IL1RAPL2: variants seen among roughly 807,000 people sequenced by gnomAD.
IL1RAPL2 encodes interleukin 1 receptor accessory protein like 2.
A neutral mutation model predicts 44.1 loss-of-function variants in IL1RAPL2; 3 were observed. The observed-to-expected ratio is 0.07, with a 90% CI of 0.03 to 0.18. IL1RAPL2 has a LOEUF of 0.18. Ranked by LOEUF, IL1RAPL2 falls within the 10% of genes least tolerant of loss-of-function variation. IL1RAPL2 has a pLI of 1.00. For missense variants in IL1RAPL2, 391 were observed against 496.4 expected (o/e 0.79, Z 2.02); for synonymous variants, 181 against 178.8 (o/e 1.01, Z -0.10).
intron 5 of IL1RAPL2, among the ~76,000 whole-genome samples, chrX:105,378,986 G>A (rs958327563): frequency 9.0e-6 from 1 of 111,720 alleles, no homozygotes; most frequent in African/African-American, 3.3e-5. Context: ...CCAGTTACTT[G>A]TATGACCTAG....
intron 6 of IL1RAPL2, among the ~76,000 whole-genome samples, chrX:105,617,999 A>G (rs762350678): frequency 9.0e-6 from 1 of 110,668 alleles, no homozygotes; most frequent in South Asian, 3.8e-4. Flanking sequence ...TAACCAGAGA[A>G]GTCTTTCCAA....
chrX:104,934,498 A>G (rs888944388), intron 2 of IL1RAPL2, among the ~76,000 whole-genome samples: 17 of 111,723 alleles, frequency 1.5e-4, no homozygotes, highest in African/African-American at 5.2e-4. Flanking sequence ...ATCAGTGAGA[A>G]TGTCAAATAT....
chrX:105,395,867 T>G (rs1000696752), intron 5 of IL1RAPL2, among the ~76,000 whole-genome samples: 9 of 111,999 alleles, frequency 8.0e-5, no homozygotes, highest in African/African-American at 2.9e-4. Flanking sequence ...GAAATGCAAA[T>G]TCTAAAGTTC....
At chrX:105,390,957 C>T (rs762367315) in intron 5 of IL1RAPL2, among the ~76,000 whole-genome samples, 68 of 111,625 alleles carry the variant, frequency 6.1e-4, no homozygotes, top group Non-Finnish European at 9.0e-4. Flanking sequence ...ATAACCATCA[C>T]AGATCTCACA....
chrX:105,082,283 C>A (rs2032419973), intron 2 of IL1RAPL2, among the ~76,000 whole-genome samples: 2 of 111,924 alleles, frequency 1.8e-5, no homozygotes, highest in East Asian at 5.6e-4. Context: ...ATAGTATTCT[C>A]TGATGGTAGT....
At chrX:104,888,340 G>A (rs1243642262) in intron 2 of IL1RAPL2, among the ~76,000 whole-genome samples, 1 of 108,550 alleles carries the variant, frequency 9.2e-6, no homozygotes, top group Non-Finnish European at 1.9e-5. Context: ...GAGAGAGAGA[G>A]AGAAAGTCAG....
At chrX:105,101,905 A>G (rs2032675970) in intron 2 of IL1RAPL2, among the ~76,000 whole-genome samples, 1 of 112,266 alleles carries the variant, frequency 8.9e-6, no homozygotes. Context: ...CTCAGCCTGC[A>G]GTCATCATTT....
intron 2 of IL1RAPL2, among the ~76,000 whole-genome samples, chrX:105,134,709 A>G (rs1241248077): frequency 9.0e-6 from 1 of 111,703 alleles, no homozygotes; most frequent in African/African-American, 3.2e-5. Context: ...AGTCTATACA[A>G]TGAATTCTAA....
chrX:104,990,706 G>C (rs1342765114), intron 2 of IL1RAPL2, among the ~76,000 whole-genome samples: 1 of 111,462 alleles, frequency 9.0e-6, no homozygotes, highest in Non-Finnish European at 1.9e-5. Flanking sequence ...AAAATATATT[G>C]CATATTATTA....
At chrX:105,224,616 G>C (rs2033997475) in intron 3 of IL1RAPL2, among the ~76,000 whole-genome samples, 1 of 111,846 alleles carries the variant, frequency 8.9e-6, no homozygotes, top group African/African-American at 3.2e-5. Flanking sequence ...GATATTTACT[G>C]TATGAAGAAA....
At chrX:105,114,183 A>G (rs1207499293) in intron 2 of IL1RAPL2, among the ~76,000 whole-genome samples, 2 of 111,823 alleles carry the variant, frequency 1.8e-5, no homozygotes, top group Non-Finnish European at 3.8e-5. Flanking sequence ...AGAGACCTCA[A>G]AGAGTTCCCT....
chrX:104,628,563 T>C (rs1029568098), intron 1 of IL1RAPL2, among the ~76,000 whole-genome samples: 5 of 112,257 alleles, frequency 4.5e-5, no homozygotes, highest in African/African-American at 1.6e-4. Context: ...TGAGTATATA[T>C]AACACTTTTT....
At chrX:104,749,219 G>A (rs1481246047) in intron 2 of IL1RAPL2, among the ~76,000 whole-genome samples, 1 of 110,914 alleles carries the variant, frequency 9.0e-6, no homozygotes, top group East Asian at 2.9e-4. Flanking sequence ...ATAGGATAGG[G>A]CCAAAGACCA....
chrX:105,644,839 T>G (rs956473552), intron 6 of IL1RAPL2, among the ~76,000 whole-genome samples: 1 of 110,842 alleles, frequency 9.0e-6, no homozygotes, highest in African/African-American at 3.3e-5. Flanking sequence ...CAACTCCCAC[T>G]TATGAGTGAG....
intron 6 of IL1RAPL2, among the ~76,000 whole-genome samples, chrX:105,649,011 A>G (rs1479120102): frequency 9.0e-6 from 1 of 111,506 alleles, no homozygotes; most frequent in Non-Finnish European, 1.9e-5. Flanking sequence ...CAGATTGCCT[A>G]AGTACCATTT....
intron 6 of IL1RAPL2, among the ~76,000 whole-genome samples, chrX:105,615,473 T>C (rs910806205): frequency 2.6e-4 from 29 of 112,329 alleles, no homozygotes; most frequent in African/African-American, 7.8e-4. Context: ...ATGTGGTACA[T>C]ATATACAATG....
chrX:104,898,226 C>T (rs772949713), intron 2 of IL1RAPL2, among the ~76,000 whole-genome samples: 90 of 111,319 alleles, frequency 8.1e-4, no homozygotes, highest in African/African-American at 2.9e-3. Flanking sequence ...CTTTAGGAGT[C>T]GGTAAAACAA....
intron 6 of IL1RAPL2, among the ~76,000 whole-genome samples, chrX:105,600,227 A>C (rs1238167586): frequency 9.0e-6 from 1 of 110,728 alleles, no homozygotes; most frequent in Admixed American, 9.7e-5. Context: ...ATTTATTTAG[A>C]GTTGTTTACA....
chrX:104,630,606 C>T (rs1184464719), intron 1 of IL1RAPL2, among the ~76,000 whole-genome samples: 1 of 110,552 alleles, frequency 9.0e-6, no homozygotes, highest in East Asian at 2.8e-4. Flanking sequence ...CCACTTTGTT[C>T]TTTTTATTTA....
Sources: allele counts gnomAD v4.1 joint callset (sites outside exome capture counted in the v4.1 genomes callset), GRCh38; gene constraint gnomAD v4.1.1; transcripts MANE v1.5; gene names NCBI Gene and HGNC (gene_info 2026-07-23, HGNC 2026-07-21).